The following PTPRN2 variants were observed in gnomAD, a reference collection of about 807,000 sequenced individuals.
PTPRN2 encodes the protein protein tyrosine phosphatase receptor type N2, also known as receptor-type tyrosine-protein phosphatase N2.
PTPRN2 carries 74 observed loss-of-function variants against 118.8 expected under a neutral mutation model. The observed-to-expected ratio is 0.62, with a 90% CI of 0.52 to 0.76. The LOEUF is 0.76. PTPRN2 is among the 30% of genes least tolerant of loss of function. The pLI, the probability that PTPRN2 is intolerant of heterozygous loss-of-function variation, is 0.00. For synonymous variants in PTPRN2, 641 were observed against 608.0 expected (o/e 1.05, Z -0.80); for missense variants, 1,481 against 1,394.4 (o/e 1.06, Z -0.99).
intron 21 of PTPRN2, among the ~76,000 whole-genome samples, chr7:157,556,543 C>A (rs924326018): frequency 1.3e-5 from 2 of 150,312 alleles, no homozygotes; most frequent in African/African-American, 2.5e-5. Context: ...CTCGCATCCA[C>A]CCTCACGTCA....
chr7:157,973,225 C>A (rs115936724), intron 11 of PTPRN2, among the ~76,000 whole-genome samples: 1 of 152,164 alleles, frequency 6.6e-6, no homozygotes, highest in African/African-American at 2.4e-5. Flanking sequence ...GCTTTGCTGG[C>A]AGTTTTGGGG....
intron 2 of PTPRN2, among the ~76,000 whole-genome samples, chr7:158,324,815 T>C (rs1340253382): frequency 3.9e-5 from 6 of 152,078 alleles, no homozygotes; most frequent in Non-Finnish European, 7.4e-5. Context: ...CGGAAAGCTG[T>C]GGACCGAACA....
intron 3 of PTPRN2, among the ~76,000 whole-genome samples, chr7:158,315,768 G>A (rs576106112): frequency 6.6e-6 from 1 of 152,364 alleles, no homozygotes; most frequent in Middle Eastern, 3.4e-3. Context: ...AGACATATTA[G>A]ATAGACGTCT....
chr7:157,904,712 C>G (rs1180461109), intron 11 of PTPRN2, among the ~76,000 whole-genome samples: 1 of 152,256 alleles, frequency 6.6e-6, no homozygotes, highest in Non-Finnish European at 1.5e-5. Context: ...TTCAGCGATG[C>G]CTGTCCTTGC....
rs545479606 is a variant in PTPRN2 at position 157,593,800 on chromosome 7, C to G, written c.2496+1438G>C. Among the ~76,000 whole-genome samples, 11 of 152,336 alleles carry G rather than the reference C, an allele frequency of 7.2e-5. 1 individual carries two copies. In the South Asian group the frequency reaches 2.3e-3, roughly 32 times the overall value. On this transcript the variant is annotated intron_variant, in intron 17 of 22. Coordinates refer to ENST00000389418, the MANE Select transcript of PTPRN2 (RefSeq NM_002847.5). ...CTTCTCTGGGAAAGGCATGTTCTCA[C>G]CGGGCTGGGCGACTCCCCAGCTGTG...
chr7:157,596,178 C>G lies in PTPRN2; in HGVS notation c.2419-863G>C, dbSNP rs1801331529. 6.6e-6 allele frequency among the ~76,000 whole-genome samples: 1 copy of G among 152,254 alleles called. No homozygotes were observed. Among genetic ancestry groups the G allele is most frequent in the African/African-American group, 2.4e-5 (1 of 41,474 alleles). ...CTTGCCAGCGTCCTGGGAGAACGAACTAGCGCTACCTGCTGCTTCCCTGCT... is the reference window on the plus strand; with the variant it reads ...CTTGCCAGCGTCCTGGGAGAACGAAGTAGCGCTACCTGCTGCTTCCCTGCT... On this transcript the variant is annotated intron_variant, in intron 16 of 22. Coordinates refer to ENST00000389418, the MANE Select transcript of PTPRN2 (RefSeq NM_002847.5). The surrounding 1 kb of genome is among the most constrained non-coding windows in gnomAD (Gnocchi z 4.2).
chr7:157,653,852 A>C (rs1585178932), intron 14 of PTPRN2, among the ~76,000 whole-genome samples: 9 of 92,786 alleles, frequency 9.7e-5, no homozygotes, highest in African/African-American at 1.3e-4. Context: ...CCCCACACCC[A>C]CCCCGACTCC....
chr7:158,445,008 A>G (rs553283899), intron 2 of PTPRN2, among the ~76,000 whole-genome samples: 1 of 152,308 alleles, frequency 6.6e-6, no homozygotes, highest in African/African-American at 2.4e-5. Context: ...CAGCGTGTGG[A>G]CCGTGAGACC....
At chr7:158,384,249 C>T (rs925790494) in intron 2 of PTPRN2, among the ~76,000 whole-genome samples, 13 of 152,172 alleles carry the variant, frequency 8.5e-5, no homozygotes, top group African/African-American at 3.1e-4. Flanking sequence ...CCTGCATTGC[C>T]CATTAATTTT....
At chr7:158,090,986 T>C (rs960283251) in intron 10 of PTPRN2, among the ~76,000 whole-genome samples, 5 of 152,228 alleles carry the variant, frequency 3.3e-5, no homozygotes, top group African/African-American at 1.2e-4. Context: ...AACCGTCCGG[T>C]TGAGAATGAA....
rs115927209 is a variant in PTPRN2, at chr7:157,590,626, A to T, written c.2496+4612T>A. On this transcript the variant is annotated intron_variant, in intron 17 of 22. Transcript: ENST00000389418. This position sits in a 1 kb window ranked among gnomAD's most constrained non-coding sequence, Gnocchi z 4.0. ...GGCTCTGCTCAGGGACGCAGCACGG[A>T]CAGAGGTGCTGTGGGCCCTGCGGGA... Among the ~76,000 whole-genome samples the T allele has an allele frequency of 9.2e-3, 1,403 of 152,258 alleles. 28 individuals are homozygous for T. Among genetic ancestry groups the T allele is most frequent in the African/African-American group, 0.032 (1,327 of 41,544 alleles).
chr7:157,769,777 C>T (rs1458084850), intron 12 of PTPRN2, among the ~76,000 whole-genome samples: 1 of 152,242 alleles, frequency 6.6e-6, no homozygotes, highest in Non-Finnish European at 1.5e-5. Flanking sequence ...ACAGCTCCCT[C>T]CCAGACCTGC....
At position 158,326,668 on chromosome 7, in the gene PTPRN2, GCA is replaced by G. The variant is rs993176305; in HGVS notation, c.164-9738_164-9737del. On this transcript the variant is annotated intron_variant, in intron 2 of 22. Transcript: ENST00000389418. Reference sequence around the variant, plus strand: ...TTCACACATGCTCACACTCTCACATGCACACACATGCACAGTCTCACACATGC... The same window carrying G: ...TTCACACATGCTCACACTCTCACATGCACACATGCACAGTCTCACACATGC... Among the ~76,000 whole-genome samples, 24 of 124,474 alleles carry G rather than the reference GCA, an allele frequency of 1.9e-4. 1 individual carries two copies. The highest frequency in any genetic ancestry group is 6.7e-4 in the African/African-American group (21 of 31,550). 81.7% of individuals were successfully genotyped at this position (124,474 alleles called of 152,430 possible). A position where few individuals can be genotyped will look rare whatever the true frequency, so the allele number is the denominator to read the frequency against.
At chr7:158,373,581 A>C (rs184811337) in intron 2 of PTPRN2, among the ~76,000 whole-genome samples, 172 of 152,354 alleles carry the variant, frequency 1.1e-3, no homozygotes, top group African/African-American at 3.8e-3. Flanking sequence ...ACTGAAGCAA[A>C]CGAAGTCTCT....
intron 9 of PTPRN2, among the ~76,000 whole-genome samples, chr7:158,130,035 A>G (rs1292343132): frequency 6.6e-6 from 1 of 152,228 alleles, no homozygotes; most frequent in East Asian, 1.9e-4. Flanking sequence ...GATACAACTA[A>G]GATAATCACC....
At chr7:158,201,999 A>G (rs1435398397) in intron 4 of PTPRN2, among the ~76,000 whole-genome samples, 4 of 152,218 alleles carry the variant, frequency 2.6e-5, no homozygotes, top group African/African-American at 9.7e-5. Flanking sequence ...AATATTTTAC[A>G]GAGTTTGACT....
At chr7:157,737,663 G>A (rs1800381755) in intron 12 of PTPRN2, among the ~76,000 whole-genome samples, 3 of 152,256 alleles carry the variant, frequency 2.0e-5, no homozygotes, top group Non-Finnish European at 4.4e-5. Flanking sequence ...GGAGGGGTTT[G>A]CTTTCCCCAG....
intron 22 of PTPRN2, among the ~76,000 whole-genome samples, chr7:157,547,473 C>A (rs116181402): frequency 6.6e-6 from 1 of 152,100 alleles, no homozygotes; most frequent in African/African-American, 2.4e-5. Context: ...GTCAACCTCA[C>A]GTCCAGTTCC....
In PTPRN2 at chr7:158,004,132, A is replaced by G. The variant is rs552195021; in HGVS notation, c.1723+77166T>C. ...CAAAAATTGCTCTGTTAATGCTTCC[A>G]GTGCCCAATTTGGGAGTAAAGAATG... On this transcript the variant is annotated intron_variant, in intron 11 of 22. Transcript: ENST00000389418. 2.0e-5 allele frequency among the ~76,000 whole-genome samples: 3 copies of G among 151,462 alleles called. 1 individual carries two copies. In the South Asian group the frequency reaches 6.3e-4, roughly 32 times the overall value.
Sources: allele counts gnomAD v4.1 joint callset (sites outside exome capture counted in the v4.1 genomes callset), GRCh38; gene constraint gnomAD v4.1.1; non-coding constraint Gnocchi (gnomAD v3.1); transcripts MANE v1.5; gene names NCBI Gene and HGNC (gene_info 2026-07-23, HGNC 2026-07-21).